Variants in C19orf44 observed in about 807,000 individuals in gnomAD.
C19orf44 encodes the protein uncharacterized protein C19orf44.
C19orf44 carries 43 observed loss-of-function variants against 50.7 expected under a neutral mutation model. The observed-to-expected ratio is 0.85, with a 90% CI of 0.66 to 1.09. The LOEUF (loss-of-function observed/expected upper bound fraction) is 1.09, where lower values mean the gene tolerates loss of function less well. Among genes scored for constraint, C19orf44 ranks in the 50% least tolerant of loss-of-function variants. C19orf44 has a pLI of 0.00. For synonymous variants in C19orf44, 298 were observed against 334.7 expected, an observed-to-expected ratio of 0.89 and a Z score of 1.20; for missense variants, 722 against 836.2, an observed-to-expected ratio of 0.86 and a Z score of 1.68.
At position 16,501,301 on chromosome 19, in the gene C19orf44, T is replaced by A; in HGVS notation, c.509T>A (p.Val170Asp). The part of the protein sequence containing the change: ...VTENNAQNAK[V>D]SRFLKKKQAP... ...GAAAATAATGCACAGAACGCGAAGG[T>A]CAGTAGGTTTCTAAAGAAGAAACAA... Residue 170 changes from valine to aspartate, a missense_variant, in exon 2 of 9, where the codon GTC becomes GAC. Val to Asp is a radical substitution (Grantham distance 152, BLOSUM62 -3). Transcript: ENST00000221671. 1.2e-6 allele frequency: 2 copies of A among 1,614,084 alleles called. No individual in the cohort carries two copies. Among genetic ancestry groups the A allele is most frequent in the Non-Finnish European group, 1.7e-6 (2 of 1,180,020 alleles).
At chr19:16,518,744 A>G in intron 8 of C19orf44, 1 of 219,338 alleles carries the variant, frequency 4.6e-6, no homozygotes, top group South Asian at 6.4e-5. Context: ...TGGAGGAAGG[A>G]GCTGGGGTGC....
chr19:16,497,534 A>C (rs1184211749), intron 1 of C19orf44, among the ~76,000 whole-genome samples: 1 of 151,486 alleles, frequency 6.6e-6, no homozygotes, highest in African/African-American at 2.4e-5. Flanking sequence ...TATTGTTAGT[A>C]GAGACGGGGT....
chr19:16,517,143 G>A (rs2085543258), intron 7 of C19orf44, 87 bp from the exon 8 acceptor site: 4 of 1,258,582 alleles, frequency 3.2e-6, no homozygotes, highest in Non-Finnish European at 4.5e-6. Flanking sequence ...GGGGACAGGT[G>A]CTGGCTCCAC....
rs528482075 is a variant in C19orf44, at chr19:16,498,032, G to A, written c.-2+1567G>A. 2.8e-4 allele frequency among the ~76,000 whole-genome samples: 43 copies of A among 152,048 alleles called. No individual in the cohort carries two copies. The East Asian group carries it at 8.1e-3, about 29-fold the overall frequency. On this transcript the variant is annotated intron_variant, in intron 1 of 8. Transcript: ENST00000221671. ...TGAGGTGGGAGGATCGCGTGACCCC[G>A]GGAGGTCGAGGCTGTAGTGAGCCAT...
At chr19:16,507,404 G>C (rs1568495370) in intron 4 of C19orf44, among the ~76,000 whole-genome samples, 1 of 151,904 alleles carries the variant, frequency 6.6e-6, no homozygotes, top group Non-Finnish European at 1.5e-5. Context: ...TCAGATACAC[G>C]TGTTGGTTAT....
rs1188182398 is a variant in C19orf44 at position 16,502,953 on chromosome 19, C to G, written c.760-112C>G. ...TACAGTGAGCTATTGAGCCACTGCC[C>G]TCCAGCCTAGGCAACAGAGTGAGAC... On this transcript the variant is annotated intron_variant, in intron 2 of 8. Coordinates refer to ENST00000221671, the MANE Select transcript of C19orf44 (RefSeq NM_032207.4). 5 of 1,014,696 alleles carry G rather than the reference C, an allele frequency of 4.9e-6. No homozygotes were observed. In the East Asian group the frequency reaches 1.3e-4, roughly 26 times the overall value. The allele number at this position is 1,014,696 out of a possible 1,614,324, so 62.9% of individuals were successfully genotyped here. A position where few individuals can be genotyped will look rare whatever the true frequency, so the allele number is the denominator to read the frequency against.
At position 16,509,744 on chromosome 19, in the gene C19orf44, C is replaced by T. The variant is rs1454642122; in HGVS notation, c.1395C>T (p.Ser465=). Residue 465 remains serine, a synonymous_variant, in exon 5 of 9, where the codon AGC becomes AGT. Coordinates refer to ENST00000221671, the MANE Select transcript of C19orf44 (RefSeq NM_032207.4). ...PSEAPMVNTV[S]SAYSEDFENS... is the part of the protein sequence containing the mutation. Reference sequence around the variant, plus strand: ...AAGCCCCCATGGTGAACACAGTCAGCTCAGCTTATTCGGAGGATTTTGAAA... The same window carrying T: ...AAGCCCCCATGGTGAACACAGTCAGTTCAGCTTATTCGGAGGATTTTGAAA... The T allele has an allele frequency of 6.2e-7, 1 of 1,614,276 alleles. No individual in the cohort carries two copies. The highest frequency in any genetic ancestry group is 8.5e-7 in the Non-Finnish European group (1 of 1,180,056).
chr19:16,506,675 C>A, intron 3 of C19orf44, 26 bp from the exon 4 acceptor site: 1 of 1,468,418 alleles, frequency 6.8e-7, no homozygotes, highest in Non-Finnish European at 9.3e-7. Context: ...TAAATGTAAA[C>A]GCTTATACTC....
At chr19:16,517,625 C>T (rs1391661492) in intron 8 of C19orf44, among the ~76,000 whole-genome samples, 3 of 152,064 alleles carry the variant, frequency 2.0e-5, no homozygotes, top group African/African-American at 4.8e-5. Flanking sequence ...GTGGAGCTGT[C>T]CCCACTCACA....
intron 3 of C19orf44, among the ~76,000 whole-genome samples, chr19:16,505,586 T>TGGAGCTGAG (rs1476471596): frequency 2.0e-5 from 3 of 152,218 alleles, no homozygotes; most frequent in African/African-American, 7.2e-5. Context: ...TATGGCTGCT[T>TGGAGCTGAG]TCACACTATG....
intron 1 of C19orf44, among the ~76,000 whole-genome samples, chr19:16,499,083 C>T (rs8109561): frequency 0.39 from 59,061 of 151,920 alleles, 13,155 homozygotes; most frequent in African/African-American, 0.62. Flanking sequence ...TGACACAGAG[C>T]GATTAAGTAA....
At chr19:16,508,041 G>A (rs959738147) in intron 4 of C19orf44, among the ~76,000 whole-genome samples, 4 of 151,706 alleles carry the variant, frequency 2.6e-5, no homozygotes, top group Non-Finnish European at 4.4e-5. Flanking sequence ...TCCTGACCTC[G>A]TGATCCGCCC....
chr19:16,503,999 G>A (rs2093432993), intron 3 of C19orf44, among the ~76,000 whole-genome samples: 1 of 152,160 alleles, frequency 6.6e-6, no homozygotes. Context: ...GCAACATGGT[G>A]AAACCCTGTT....
At chr19:16,503,540 A>G (rs1028709393) in intron 3 of C19orf44, among the ~76,000 whole-genome samples, 160 bp downstream of exon 3, 1 of 152,104 alleles carries the variant, frequency 6.6e-6, no homozygotes, top group Non-Finnish European at 1.5e-5. Context: ...TTGAGGGGCC[A>G]AGTCCGATTT....
chr19:16,510,725 TTCTC>T (rs137945542), intron 5 of C19orf44, among the ~76,000 whole-genome samples: 5 of 151,124 alleles, frequency 3.3e-5, no homozygotes, highest in South Asian at 2.1e-4. Flanking sequence ...TTCCAGATAT[TTCTC>T]TCTCTCTCTC....
At position 16,514,458 on chromosome 19, in the gene C19orf44, G is replaced by A. The variant is rs752224225; in HGVS notation, c.1736-39G>A. The A allele has an allele frequency of 1.9e-6, 3 of 1,543,492 alleles. No homozygotes were observed. The East Asian group carries it at 7.3e-5, about 37-fold the overall frequency. On this transcript the variant is annotated intron_variant, in intron 6 of 8. Coordinates refer to ENST00000221671, the MANE Select transcript of C19orf44 (RefSeq NM_032207.4). ...GGGGGGGGGCTGCAGAATTTGTGGG[G>A]CCCCAGCGAAGCCACCGAGTAACGC...
intron 4 of C19orf44, among the ~76,000 whole-genome samples, chr19:16,509,067 G>A (rs1197804204): frequency 2.0e-5 from 3 of 151,888 alleles, no homozygotes; most frequent in Non-Finnish European, 2.9e-5. Context: ...TGATCTGCCC[G>A]CCTTGGCCTC....
In C19orf44 at chr19:16,519,325, G is replaced by A. The variant is rs756956431; in HGVS notation, c.*41-769G>A. 9.9e-6 allele frequency: 16 copies of A among 1,612,870 alleles called. No individual in the cohort carries two copies. The highest frequency in any genetic ancestry group is 8.9e-5 in the East Asian group (4 of 44,900). On this transcript the variant is annotated intron_variant, in intron 8 of 8. Transcript: ENST00000221671. The surrounding 1 kb of genome is among the most constrained non-coding windows in gnomAD (Gnocchi z 6.0). ...GGGGTCCTGGATCCCTTGCTCCTTCGCACCGAGGCCGCCTGAGCCGCTCCA... is the reference window on the plus strand; with the variant it reads ...GGGGTCCTGGATCCCTTGCTCCTTCACACCGAGGCCGCCTGAGCCGCTCCA...
At chr19:16,514,341 A>G (rs185305957) in intron 6 of C19orf44, among the ~76,000 whole-genome samples, 156 bp from the exon 7 acceptor site, 24 of 148,046 alleles carry the variant, frequency 1.6e-4, no homozygotes, top group Non-Finnish European at 2.5e-4. Context: ...CTGTGATGGC[A>G]CCGCTGTACT....
Sources: allele counts gnomAD v4.1 joint callset (sites outside exome capture counted in the v4.1 genomes callset), GRCh38; gene constraint gnomAD v4.1.1; non-coding constraint Gnocchi (gnomAD v3.1); transcripts MANE v1.5; gene names NCBI Gene and HGNC (gene_info 2026-07-23, HGNC 2026-07-21).